Variants in PCMTD2 observed in about 807,000 individuals in gnomAD.
PCMTD2 encodes the protein protein-L-isoaspartate O-methyltransferase domain-containing protein 2.
PCMTD2 carries 16 observed loss-of-function variants against 33.4 expected under a neutral mutation model. That is an observed-to-expected ratio of 0.48 (90% CI 0.32 to 0.73). The LOEUF is 0.73. Among genes scored for constraint, PCMTD2 ranks in the 30% least tolerant of loss-of-function variants. The probability of loss-of-function intolerance (pLI) is 0.03; values close to 1 mark genes in which losing one functional copy is unlikely to be tolerated. For synonymous variants in PCMTD2, 161 were observed against 160.8 expected (o/e 1.00, Z -0.01); for missense variants, 374 against 449.9 (o/e 0.83, Z 1.53).
rs1381963405 is a variant in PCMTD2, at chr20:64,274,544, CTA to C, written c.*946_*947del. ...GAAAATATTAAATAGACTGGGGACT[CTA>C]TGATGGGCAGCCTGTGCTTTTTGAC... On this transcript the variant is annotated 3_prime_UTR_variant, in exon 6 of 6. Transcript: ENST00000308824. 1 of 152,196 alleles carries C rather than the reference CTA, an allele frequency of 6.6e-6. No homozygotes were observed. Among genetic ancestry groups the C allele is most frequent in the Non-Finnish European group, 1.5e-5 (1 of 68,058 alleles). 9.4% of individuals were successfully genotyped at this position (152,196 alleles called of 1,614,324 possible). A position where few individuals can be genotyped will look rare whatever the true frequency, so the allele number is the denominator to read the frequency against.
In PCMTD2 at chr20:64,259,978, G is replaced by A; in HGVS notation, c.13G>A (p.Val5Met). MGGA[V>M]SAGEDNDELI... The stretch of plus-strand genomic sequence containing the variant: ...TGTAATCTTGAACATGGGCGGTGCT[G>A]TGAGTGCTGGTGAAGACAATGATGA... The change falls in exon 2 of 6, where the codon GTG (valine) becomes ATG (methionine). Residue 5 changes from valine to methionine, a missense_variant. Transcript: ENST00000308824. The A allele has an allele frequency of 6.2e-7, 1 of 1,609,768 alleles. No individual in the cohort carries two copies.
chr20:64,272,143 C>T (rs890743624), intron 5 of PCMTD2: 1 of 373,682 alleles, frequency 2.7e-6, no homozygotes, highest in Admixed American at 2.7e-5. Context: ...TACTTACTCA[C>T]TACCAGGGGC....
chr20:64,272,465 A>G (rs566699741), intron 5 of PCMTD2, among the ~76,000 whole-genome samples: 1 of 152,324 alleles, frequency 6.6e-6, no homozygotes, highest in Non-Finnish European at 1.5e-5. Context: ...GCATTTCCCT[A>G]CTTTAATAAA....
rs1986039681 is a variant in PCMTD2, at chr20:64,274,555, A to G, written c.*955A>G. On this transcript the variant is annotated 3_prime_UTR_variant, in exon 6 of 6. Transcript: ENST00000308824. The stretch of plus-strand genomic sequence containing the variant: ...ATAGACTGGGGACTCTATGATGGGC[A>G]GCCTGTGCTTTTTGACTTCAGTTTG... The G allele has an allele frequency of 6.6e-6, 1 of 152,242 alleles. No individual in the cohort carries two copies. Among genetic ancestry groups the G allele is most frequent in the Non-Finnish European group, 1.5e-5 (1 of 68,058 alleles). The allele number at this position is 152,242 out of a possible 1,614,324, so 9.4% of individuals were successfully genotyped here.
chr20:64,270,659 GAGATAA>G (rs929564206), intron 5 of PCMTD2, among the ~76,000 whole-genome samples: 2 of 152,210 alleles, frequency 1.3e-5, no homozygotes, highest in African/African-American at 2.4e-5. Context: ...TTCCAGGCGA[GAGATAA>G]AGATAAAAAC....
chr20:64,260,926 G>A (rs182840105), intron 2 of PCMTD2, among the ~76,000 whole-genome samples: 4 of 152,012 alleles, frequency 2.6e-5, no homozygotes, highest in African/African-American at 9.6e-5. Flanking sequence ...ACTCCTGGGC[G>A]CCAGCTCTCC....
chr20:64,261,796 T>G (rs1327223821), intron 2 of PCMTD2, among the ~76,000 whole-genome samples: 1 of 152,212 alleles, frequency 6.6e-6, no homozygotes, highest in Non-Finnish European at 1.5e-5. Context: ...GTGCCCAGAT[T>G]ATTTATCATT....
Position 64,264,422 on chromosome 20 carries a change from C to A in PCMTD2, c.308-7C>A, listed in dbSNP as rs780382481. 1.4e-6 allele frequency: 2 copies of A among 1,461,672 alleles called. No homozygotes were observed. The highest frequency in any genetic ancestry group is 1.9e-6 in the Non-Finnish European group (2 of 1,041,406). 90.5% of individuals were successfully genotyped at this position (1,461,672 alleles called of 1,614,324 possible). A position where few individuals can be genotyped will look rare whatever the true frequency, so the allele number is the denominator to read the frequency against. On this transcript the variant is annotated splice_polypyrimidine_tract_variant and splice_region_variant and intron_variant, in intron 2 of 5. Transcript: ENST00000308824. ...TCTACATGTTTTCTTATTCTTAAAC[C>A]TTTTAGGTCCTTTTGGTGTGAACCA...
At position 64,273,634 on chromosome 20, in the gene PCMTD2, A is replaced by C; in HGVS notation, c.*34A>C. On this transcript the variant is annotated 3_prime_UTR_variant, in exon 6 of 6. Transcript: ENST00000308824. Reference sequence around the variant, plus strand: ...TTTGAAAGGGGGAAATAGGAAGAGCAGATTGCTGAGTGTGAAGTTCGTGCT... The same window carrying C: ...TTTGAAAGGGGGAAATAGGAAGAGCCGATTGCTGAGTGTGAAGTTCGTGCT... 6.6e-7 allele frequency: 1 copy of C among 1,507,214 alleles called. No individual in the cohort carries two copies. The highest frequency in any genetic ancestry group is 8.8e-7 in the Non-Finnish European group (1 of 1,130,558). The allele number at this position is 1,507,214 out of a possible 1,614,324, so 93.4% of individuals were successfully genotyped here. A position where few individuals can be genotyped will look rare whatever the true frequency, so the allele number is the denominator to read the frequency against.
At chr20:64,271,782 G>A (rs1233045032) in intron 5 of PCMTD2, 1 of 170,414 alleles carries the variant, frequency 5.9e-6, no homozygotes, top group Non-Finnish European at 1.3e-5. Context: ...CAGGGGAGCA[G>A]TGAGCCACGT....
At chr20:64,264,620 A>G in intron 3 of PCMTD2, 89 bp downstream of exon 3, 3 of 700,310 alleles carry the variant, frequency 4.3e-6, no homozygotes, top group Non-Finnish European at 7.7e-6. Context: ...ATGTGGTAGG[A>G]AACATAATTA....
At position 64,259,599 on chromosome 20, in the gene PCMTD2, A is replaced by G. The variant is rs962196131; in HGVS notation, c.-24-343A>G. On this transcript the variant is annotated intron_variant, in intron 1 of 5. Transcript: ENST00000308824. ...GAGACGGGGTTTCACCATGTTGGCC[A>G]GGCTGTTCTTGAACTCCTGACCTCA... is the stretch of plus-strand genomic sequence containing the variant. Among the ~76,000 whole-genome samples the G allele has an allele frequency of 2.0e-5, 3 of 152,052 alleles. No individual in the cohort carries two copies. The East Asian group carries it at 5.8e-4, about 29-fold the overall frequency.
At chr20:64,269,858 G>GGTGTGC (rs1985819008) in intron 5 of PCMTD2, among the ~76,000 whole-genome samples, 1 of 87,020 alleles carries the variant, frequency 1.1e-5, no homozygotes, top group African/African-American at 7.0e-5. Flanking sequence ...CTGGCGTGTG[G>GGTGTGC]GGGGTGTGGG....
In PCMTD2 at chr20:64,267,991, A is replaced by G. The variant is rs1272713316; in HGVS notation, c.687A>G (p.Lys229=). 2 of 1,612,964 alleles carry G rather than the reference A, an allele frequency of 1.2e-6. No individual in the cohort carries two copies. Among genetic ancestry groups the G allele is most frequent in the Admixed American group, 3.3e-5 (2 of 59,956 alleles). ...AGCCCTGCCATTCAGAGTCAGGAAAATCAAGACTTGTCCAGTTACGTAAGT... is the reference window on the plus strand; with the variant it reads ...AGCCCTGCCATTCAGAGTCAGGAAAGTCAAGACTTGTCCAGTTACGTAAGT... The part of the protein sequence containing the change: ...LIQPCHSESG[K]SRLVQLPPVA... The change falls in exon 5 of 6, where the codon AAA becomes AAG. Residue 229 remains lysine, a synonymous_variant. Transcript: ENST00000308824.
At position 64,265,342 on chromosome 20, in the gene PCMTD2, T is replaced by TG; in HGVS notation, c.499dup (p.Ala167GlyfsTer8). 6.2e-7 allele frequency: 1 copy of TG among 1,613,240 alleles called. No homozygotes were observed. Among genetic ancestry groups the TG allele is most frequent in the South Asian group, 1.1e-5 (1 of 91,038 alleles). ...GTTCTCAGTATGATCGTGTATACTG[T>TG]GGGGCTGGCGTGCAGAAAGAGCATG... On this transcript the variant is annotated frameshift_variant, in exon 4 of 6. Transcript: ENST00000308824. LOFTEE classifies it high-confidence loss of function.
At chr20:64,268,776 C>G (rs1294443902) in intron 5 of PCMTD2, among the ~76,000 whole-genome samples, 1 of 151,734 alleles carries the variant, frequency 6.6e-6, no homozygotes, top group East Asian at 1.9e-4. Context: ...CAAATCTCTT[C>G]CAGAAAGGTT....
rs1568738856 is a variant in PCMTD2 at position 64,273,492 on chromosome 20, G to GCCGGAAACAAAGCCAGACCCCC, written c.980_1001dup (p.Val335GlyfsTer44). 3.1e-6 allele frequency: 5 copies of GCCGGAAACAAAGCCAGACCCCC among 1,609,546 alleles called. No homozygotes were observed. In the South Asian group the frequency reaches 5.5e-5, roughly 18 times the overall value. ...GGAGGGAAGAAGAAGAGAAGACCCC[G>GCCGGAAACAAAGCCAGACCCCC]CCGGAAACAAAGCCAGACCCCCCAG... On this transcript the variant is annotated frameshift_variant, in exon 6 of 6. Coordinates refer to ENST00000308824, the MANE Select transcript of PCMTD2 (RefSeq NM_018257.3). LOFTEE classifies it high-confidence loss of function.
chr20:64,267,841 A>G (rs1382051697), intron 4 of PCMTD2, 46 bp from the exon 5 acceptor site: 1 of 1,567,180 alleles, frequency 6.4e-7, no homozygotes, highest in East Asian at 2.2e-5. Context: ...TATGAGCTAA[A>G]TAGTAGCCAA....
chr20:64,264,981 CAG>C (rs2145759941), intron 3 of PCMTD2, among the ~76,000 whole-genome samples: 1 of 152,304 alleles, frequency 6.6e-6, no homozygotes, highest in South Asian at 2.1e-4. Context: ...AAGAAGATGA[CAG>C]AGACAGCAGC....
Sources: gnomAD v4.1 joint callset for allele counts (sites outside exome capture counted in the v4.1 genomes callset) on GRCh38, gnomAD v4.1.1 for gene constraint, MANE v1.5 for transcripts, NCBI Gene and HGNC (gene_info 2026-07-23, HGNC 2026-07-21) for gene names.